SLC6A20: variants seen among roughly 807,000 people sequenced by gnomAD.
SLC6A20 encodes sodium- and chloride-dependent transporter XTRP3.
In SLC6A20, 73 loss-of-function variants were observed where a neutral mutation model predicts 64.3. That is an observed-to-expected ratio of 1.14 (90% CI 0.94 to 1.38). The LOEUF is 1.38. SLC6A20 is among the 40% of genes most tolerant of loss of function. SLC6A20 has a pLI of 0.00. For synonymous variants in SLC6A20, 347 were observed against 329.6 expected (o/e 1.05, Z -0.57); for missense variants, 725 against 772.8 (o/e 0.94, Z 0.73).
rs1428538761 is a variant in SLC6A20, at chr3:45,780,720, T to C, written c.263-620A>G. ...GTGGGAGGCAGCAGGGCTCTGGGGC[T>C]GGCCCACACCAGCCCTTGAGAACCA... On this transcript the variant is annotated intron_variant, in intron 2 of 10. Transcript: ENST00000358525. Among the ~76,000 whole-genome samples the C allele has an allele frequency of 2.7e-5, 3 of 109,754 alleles. No individual in the cohort carries two copies. The East Asian group carries it at 7.3e-4, about 27-fold the overall frequency. 72.0% of individuals were successfully genotyped at this position (109,754 alleles called of 152,430 possible).
chr3:45,786,160 G>A (rs984114627), intron 1 of SLC6A20, among the ~76,000 whole-genome samples: 2 of 152,152 alleles, frequency 1.3e-5, no homozygotes, highest in Non-Finnish European at 2.9e-5. Flanking sequence ...TTTTCAGTGT[G>A]TATTTCCAAA....
chr3:45,782,121 C>A lies in SLC6A20; in HGVS notation c.224G>T (p.Gly75Val). Reference protein sequence around the residue: ...VGQRMRQGSIGAWRTISPYLS... With the variant: ...VGQRMRQGSIVAWRTISPYLS... Reference sequence around the variant, plus strand: ...GTACGGGCTGATGGTCCTCCAGGCGCCGATGCTGCCCTGCCGCATGCGCTG... The same window carrying A: ...GTACGGGCTGATGGTCCTCCAGGCGACGATGCTGCCCTGCCGCATGCGCTG... The change falls in exon 2 of 11, where the codon GGC becomes GTC. Residue 75 changes from glycine (G) to valine (V), a missense_variant. Coordinates refer to ENST00000358525, the MANE Select transcript of SLC6A20 (RefSeq NM_020208.4). The A allele has an allele frequency of 6.2e-7, 1 of 1,613,334 alleles. No individual in the cohort carries two copies. Among genetic ancestry groups the A allele is most frequent in the Non-Finnish European group, 8.5e-7 (1 of 1,179,670 alleles).
intron 9 of SLC6A20, among the ~76,000 whole-genome samples, chr3:45,760,385 T>C (rs1213303857): frequency 6.6e-6 from 1 of 152,238 alleles, no homozygotes; most frequent in Non-Finnish European, 1.5e-5. Flanking sequence ...TGGTCATCAA[T>C]GACAGGGACT....
At chr3:45,777,040 A>T (rs922322352) in intron 3 of SLC6A20, among the ~76,000 whole-genome samples, 1 of 151,872 alleles carries the variant, frequency 6.6e-6, no homozygotes, top group Non-Finnish European at 1.5e-5. Flanking sequence ...GGGGTAGGAG[A>T]CCCCAACCCT....
At chr3:45,760,973 G>T (rs1337202667) in intron 9 of SLC6A20, among the ~76,000 whole-genome samples, 1 of 152,204 alleles carries the variant, frequency 6.6e-6, no homozygotes, top group Non-Finnish European at 1.5e-5. Flanking sequence ...GGCGGGAGGG[G>T]CTGGGGTGGT....
chr3:45,760,959 C>A (rs887080800), intron 9 of SLC6A20, among the ~76,000 whole-genome samples: 7 of 152,156 alleles, frequency 4.6e-5, no homozygotes, highest in African/African-American at 1.7e-4. Flanking sequence ...GAAGAGGCAG[C>A]CTTGGCGGGA....
At chr3:45,795,115 C>G (rs1239693540) in intron 1 of SLC6A20, among the ~76,000 whole-genome samples, 2 of 151,940 alleles carry the variant, frequency 1.3e-5, no homozygotes, top group African/African-American at 4.8e-5. Flanking sequence ...TTATAGAAGT[C>G]CTAATACACA....
At chr3:45,769,863 A>G (rs1405409195) in intron 7 of SLC6A20, among the ~76,000 whole-genome samples, 1 of 152,218 alleles carries the variant, frequency 6.6e-6, no homozygotes, top group African/African-American at 2.4e-5. Flanking sequence ...ATATAAAAAA[A>G]TCTGAGCCCA....
At position 45,770,169 on chromosome 3, in the gene SLC6A20, T is replaced by C; in HGVS notation, c.1098+40A>G. The C allele has an allele frequency of 6.8e-6, 11 of 1,612,380 alleles. No individual in the cohort carries two copies. In the South Asian group the frequency reaches 1.2e-4, roughly 18 times the overall value. ...GCTCACCAAGGTTCCCATGAGTGTG[T>C]GGAGAGAAGCCAGTCCTTGACCTTG... On this transcript the variant is annotated intron_variant, in intron 7 of 10. Coordinates refer to ENST00000358525, the MANE Select transcript of SLC6A20 (RefSeq NM_020208.4).
intron 3 of SLC6A20, among the ~76,000 whole-genome samples, chr3:45,776,802 T>C (rs80017031): frequency 0.042 from 6,402 of 152,348 alleles, 176 homozygotes; most frequent in Non-Finnish European, 0.063. Context: ...GCAAGGGCGA[T>C]AGCAGCATCG....
At chr3:45,782,423 T>C (rs1700109035) in intron 1 of SLC6A20, among the ~76,000 whole-genome samples, 200 bp from the exon 2 acceptor site, 1 of 152,052 alleles carries the variant, frequency 6.6e-6, no homozygotes, top group Admixed American at 6.6e-5. Flanking sequence ...TCCCTCTTGC[T>C]GCCATTCCTC....
chr3:45,763,102 G>A (rs1438926071), intron 8 of SLC6A20, 30 bp from the exon 9 acceptor site: 1 of 1,612,196 alleles, frequency 6.2e-7, no homozygotes, highest in Admixed American at 1.7e-5. Context: ...CTGCTCACCT[G>A]CCCGAGACCC....
chr3:45,794,461 A>G (rs1435874141), intron 1 of SLC6A20, among the ~76,000 whole-genome samples: 1 of 152,124 alleles, frequency 6.6e-6, no homozygotes, highest in Non-Finnish European at 1.5e-5. Flanking sequence ...CCAGCCACCA[A>G]TCCATGCTCC....
Position 45,759,909 on chromosome 3 carries a change from C to T in SLC6A20, c.1577G>A (p.Ser526Asn), listed in dbSNP as rs1319763365. ...LIVSLFVFYL[S>N]DYILTGTLKY... ...CAGGGTCCCCGTGAGGATGTAGTCG[C>T]TCAGGTAGAAGACAAAGAGGCTGAC... Residue 526 changes from serine (S) to asparagine (N), a missense_variant, in exon 10 of 11, where the codon AGC (serine) becomes AAC (asparagine). Physicochemically the swap from Ser to Asn is conservative, Grantham distance 46. Coordinates refer to ENST00000358525, the MANE Select transcript of SLC6A20 (RefSeq NM_020208.4). 2.7e-5 allele frequency: 43 copies of T among 1,614,056 alleles called. No homozygotes were observed. Among genetic ancestry groups the T allele is most frequent in the Non-Finnish European group, 3.5e-5 (41 of 1,180,040 alleles).
chr3:45,768,863 G>C (rs1227139688), intron 7 of SLC6A20, among the ~76,000 whole-genome samples: 1 of 152,128 alleles, frequency 6.6e-6, no homozygotes, highest in Non-Finnish European at 1.5e-5. Flanking sequence ...ATAAGAATTA[G>C]GCAAATATGC....
At chr3:45,779,968 C>G in intron 3 of SLC6A20, 41 bp downstream of exon 3, 1 of 1,557,572 alleles carries the variant, frequency 6.4e-7, no homozygotes, top group Non-Finnish European at 8.7e-7. Flanking sequence ...CTCTCCCTTT[C>G]TCGCTCCTAC....
intron 2 of SLC6A20, among the ~76,000 whole-genome samples, chr3:45,781,434 G>C (rs1180304581): frequency 6.6e-6 from 1 of 152,188 alleles, no homozygotes; most frequent in Non-Finnish European, 1.5e-5. Flanking sequence ...GCTACTTCTG[G>C]TCAGGGTTCC....
At chr3:45,759,260 G>A in intron 10 of SLC6A20, 133 bp from the exon 11 acceptor site, 3 of 915,272 alleles carry the variant, frequency 3.3e-6, no homozygotes, top group Middle Eastern at 7.2e-4. Context: ...CACTCCTGGG[G>A]CCACGGGCTC....
chr3:45,791,229 A>G (rs1700244867), intron 1 of SLC6A20, among the ~76,000 whole-genome samples: 2 of 152,188 alleles, frequency 1.3e-5, no homozygotes. Context: ...ATATTTACTG[A>G]ATGACTTAAA....
Sources: allele counts gnomAD v4.1 joint callset (sites outside exome capture counted in the v4.1 genomes callset), GRCh38; gene constraint gnomAD v4.1.1; transcripts MANE v1.5; gene names NCBI Gene and HGNC (gene_info 2026-07-23, HGNC 2026-07-21).